The following USP7 variants were observed in gnomAD, a reference collection of about 807,000 sequenced individuals.
USP7 encodes ubiquitin C-terminal hydrolase 7.
In USP7, 9 loss-of-function variants were observed where a neutral mutation model predicts 162.9. That is an observed-to-expected ratio of 0.06 (90% CI 0.03 to 0.10). The LOEUF (loss-of-function observed/expected upper bound fraction) is 0.10. Among genes scored for constraint, USP7 ranks in the 10% least tolerant of loss-of-function variants. USP7 has a pLI of 1.00. For missense variants in USP7, 715 were observed against 1,373.7 expected, an observed-to-expected ratio of 0.52 and a Z score of 7.58; for synonymous variants, 562 against 475.9, an observed-to-expected ratio of 1.18 and a Z score of -2.35.
chr16:8,917,891 G>A (rs536973918), intron 6 of USP7, among the ~76,000 whole-genome samples: 43 of 152,152 alleles, frequency 2.8e-4, no homozygotes, highest in African/African-American at 8.9e-4. Context: ...CCAGGTCCAC[G>A]CCATTCTCCT....
At chr16:8,909,345 G>T (rs1207670696) in intron 11 of USP7, among the ~76,000 whole-genome samples, 2 of 152,176 alleles carry the variant, frequency 1.3e-5, no homozygotes, top group African/African-American at 4.8e-5. Flanking sequence ...TGGGGACCAT[G>T]ACAAGGCACA....
At chr16:8,938,384 T>C (rs1823654908) in intron 1 of USP7, among the ~76,000 whole-genome samples, 1 of 151,430 alleles carries the variant, frequency 6.6e-6, no homozygotes, top group South Asian at 2.1e-4. Context: ...CAGTCAAGTC[T>C]TCCACATCTG....
intron 1 of USP7, among the ~76,000 whole-genome samples, chr16:8,931,966 T>C (rs532176659): frequency 1.3e-5 from 2 of 152,154 alleles, no homozygotes; most frequent in Non-Finnish European, 2.9e-5. Flanking sequence ...AACAGCCAGG[T>C]AGTTGTGTGT....
chr16:8,910,689 A>T, intron 11 of USP7, 56 bp downstream of exon 11: 1 of 1,494,282 alleles, frequency 6.7e-7, no homozygotes, highest in South Asian at 1.2e-5. Flanking sequence ...AATTAAAAGA[A>T]TTGAAAATAA....
In USP7 at chr16:8,894,536, G is replaced by GGA; in HGVS notation, c.3202+13_3202+14insTC. On this transcript the variant is annotated intron_variant, in intron 30 of 30. Coordinates refer to ENST00000344836, the MANE Select transcript of USP7 (RefSeq NM_003470.3). ...GAAACCCACACCAGCCCCCGGGGGG[G>GGA]GGAGAACCCTTACCGGGCTGTGGCT... 6.2e-7 allele frequency: 1 copy of GGA among 1,610,504 alleles called. No individual in the cohort carries two copies. The highest frequency in any genetic ancestry group is 2.2e-5 in the East Asian group (1 of 44,842).
At chr16:8,899,522 AGCT>A in intron 22 of USP7, 79 bp downstream of exon 22, 3 of 1,546,690 alleles carry the variant, frequency 1.9e-6, no homozygotes, top group Non-Finnish European at 2.6e-6. Context: ...ACCATGAGAT[AGCT>A]TCTTCAACAA....
intron 1 of USP7, among the ~76,000 whole-genome samples, chr16:8,935,287 T>G (rs1000621199): frequency 6.6e-6 from 1 of 151,066 alleles, no homozygotes; most frequent in Non-Finnish European, 1.5e-5. Flanking sequence ...TGGAAACTCC[T>G]GGGTTAGAGC....
intron 10 of USP7, among the ~76,000 whole-genome samples, chr16:8,914,574 A>C (rs2061999752): frequency 6.6e-6 from 1 of 152,212 alleles, no homozygotes; most frequent in Admixed American, 6.5e-5. Context: ...AAAATGATCA[A>C]ACTATGACTA....
At chr16:8,954,243 G>T (rs111356144) in intron 1 of USP7, among the ~76,000 whole-genome samples, 2,187 of 146,980 alleles carry the variant, frequency 0.015, 96 homozygotes, top group African/African-American at 0.047. Flanking sequence ...GGGAAGACAC[G>T]TGCCCCCTGC....
intron 10 of USP7, among the ~76,000 whole-genome samples, chr16:8,912,521 T>C (rs1171041572): frequency 6.7e-6 from 1 of 148,792 alleles, no homozygotes; most frequent in African/African-American, 2.5e-5. Flanking sequence ...CCACCACCCA[T>C]GATGAAGACA....
chr16:8,922,834 A>G (rs1189907957), intron 3 of USP7, among the ~76,000 whole-genome samples: 2 of 152,216 alleles, frequency 1.3e-5, no homozygotes, highest in Non-Finnish European at 2.9e-5. Flanking sequence ...AGTATGTTTT[A>G]CTTGTACTTT....
Position 8,895,032 on chromosome 16 carries a change from T to C in USP7, c.3038A>G (p.Gln1013Arg). Residue 1013 changes from glutamine to arginine, a missense_variant and splice_region_variant, in exon 28 of 31, where the codon CAG becomes CGG. Physicochemically the swap from Gln to Arg is conservative, Grantham distance 43. Around this residue, in one of 11 missense-constraint regions of USP7, gnomAD observed 222 missense variants for 441.7 expected, o/e 0.50. Transcript: ENST00000344836. The part of the protein sequence containing the change: ...FGIPFLLRIH[Q>R]GEHFREVMKR... ...ACTCGGCCAACCACAACAGCATACC[T>C]GGTGTATCCTCAGCAAAAACGGGAT... 1 of 1,614,224 alleles carries C rather than the reference T, an allele frequency of 6.2e-7. No individual in the cohort carries two copies. The highest frequency in any genetic ancestry group is 8.5e-7 in the Non-Finnish European group (1 of 1,180,048).
At chr16:8,903,473 T>TA in intron 15 of USP7, 71 bp from the exon 16 acceptor site, 1 of 1,500,038 alleles carries the variant, frequency 6.7e-7, no homozygotes, top group Non-Finnish European at 8.9e-7. Flanking sequence ...TGAACACATT[T>TA]AAACACTAAA....
At chr16:8,963,121 C>G (rs1384322842) in intron 1 of USP7, 86 bp downstream of exon 1, 2 of 1,213,676 alleles carry the variant, frequency 1.6e-6, no homozygotes, top group Non-Finnish European at 2.1e-6. Context: ...TTAAAGATGG[C>G]GAGCCCCTCG....
At chr16:8,909,623 G>A (rs760893075) in intron 11 of USP7, among the ~76,000 whole-genome samples, 2 of 152,174 alleles carry the variant, frequency 1.3e-5, no homozygotes, top group African/African-American at 4.8e-5. Context: ...ATCACACCAA[G>A]TTCTCATTAA....
chr16:8,957,288 T>C (rs753341809), intron 1 of USP7, among the ~76,000 whole-genome samples: 2 of 152,158 alleles, frequency 1.3e-5, no homozygotes, highest in Non-Finnish European at 2.9e-5. Context: ...TAAGTCCAAA[T>C]TAGTTCAGAA....
chr16:8,912,592 G>A (rs1004262350), intron 10 of USP7, among the ~76,000 whole-genome samples: 2 of 151,506 alleles, frequency 1.3e-5, no homozygotes, highest in Non-Finnish European at 2.9e-5. Flanking sequence ...GTAGACAAGA[G>A]CATTATCAAC....
intron 10 of USP7, among the ~76,000 whole-genome samples, chr16:8,913,186 T>A (rs1426840742): frequency 6.6e-6 from 1 of 152,144 alleles, no homozygotes; most frequent in Non-Finnish European, 1.5e-5. Flanking sequence ...TGAAACCTCG[T>A]CTCTACTGAA....
intron 1 of USP7, among the ~76,000 whole-genome samples, chr16:8,938,258 T>C (rs145956568): frequency 5.3e-4 from 81 of 151,942 alleles, no homozygotes; most frequent in Non-Finnish European, 9.1e-4. Context: ...TACACTATAC[T>C]ATACTGACTT....
Sources: allele counts gnomAD v4.1 joint callset (sites outside exome capture counted in the v4.1 genomes callset), GRCh38; gene constraint gnomAD v4.1.1; regional missense constraint gnomAD v4.1.1; transcripts MANE v1.5; gene names NCBI Gene and HGNC (gene_info 2026-07-23, HGNC 2026-07-21).